TCP11L1: variants seen among roughly 807,000 people sequenced by gnomAD.
The protein encoded by TCP11L1 is t-complex 11 like 1, also known as T-complex protein 11-like protein 1.
In TCP11L1, 28 loss-of-function variants were observed where a neutral mutation model predicts 48.9. That is an observed-to-expected ratio of 0.57 (90% confidence interval 0.42 to 0.78). The LOEUF is 0.78. Among genes scored for constraint, TCP11L1 ranks in the 30% least tolerant of loss-of-function variants. TCP11L1 has a pLI of 0.00. For synonymous variants in TCP11L1, 204 were observed against 231.9 expected, an observed-to-expected ratio of 0.88 and a Z score of 1.09; for missense variants, 505 against 613.4, an observed-to-expected ratio of 0.82 and a Z score of 1.87.
Position 33,072,769 on chromosome 11 carries a change from C to T in TCP11L1, c.*93C>T, listed in dbSNP as rs1229592354. The T allele has an allele frequency of 4.3e-6, 6 of 1,390,012 alleles. No individual in the cohort carries two copies. In the African/African-American group the frequency reaches 7.1e-5, roughly 16 times the overall value. 86.1% of individuals were successfully genotyped at this position (1,390,012 alleles called of 1,614,324 possible). Reference sequence around the variant, plus strand: ...TGCATTGGAAAATGGCTATATAGTACATGTCTATTTAACAGCACCGATTCC... The same window carrying T: ...TGCATTGGAAAATGGCTATATAGTATATGTCTATTTAACAGCACCGATTCC... On this transcript the variant is annotated 3_prime_UTR_variant, in exon 10 of 10. Coordinates refer to ENST00000334274, the MANE Select transcript of TCP11L1 (RefSeq NM_018393.4).
At position 33,072,891 on chromosome 11, in the gene TCP11L1, A is replaced by G; in HGVS notation, c.*215A>G. On this transcript the variant is annotated 3_prime_UTR_variant, in exon 10 of 10. Coordinates refer to ENST00000334274, the MANE Select transcript of TCP11L1 (RefSeq NM_018393.4). ...TTGTATTTATGAGTGCAAGTTTACA[A>G]ATCAAAGAAGCATTTTGTTCTCGAG... 4 of 595,268 alleles carry G rather than the reference A, an allele frequency of 6.7e-6. No homozygotes were observed. Among genetic ancestry groups the G allele is most frequent in the Non-Finnish European group, 2.9e-6 (1 of 343,236 alleles). The allele number at this position is 595,268 out of a possible 1,614,324, so 36.9% of individuals were successfully genotyped here. A position where few individuals can be genotyped will look rare whatever the true frequency, so the allele number is the denominator to read the frequency against.
chr11:33,062,482 T>G (rs1307485527), intron 7 of TCP11L1, among the ~76,000 whole-genome samples: 1 of 152,244 alleles, frequency 6.6e-6, no homozygotes, highest in Non-Finnish European at 1.5e-5. Context: ...TCCACTGTGT[T>G]TTTTTTGTTG....
intron 9 of TCP11L1, 147 bp from the exon 10 acceptor site, chr11:33,072,326 AG>A: frequency 1.3e-6 from 1 of 758,104 alleles, no homozygotes; most frequent in South Asian, 1.7e-5. Flanking sequence ...AATATGCAGA[AG>A]TGCAAGGTGC....
At chr11:33,046,131 G>A (rs10836017) in intron 2 of TCP11L1, among the ~76,000 whole-genome samples, 20,905 of 152,234 alleles carry the variant, frequency 0.14, 1,730 homozygotes, top group East Asian at 0.3. Context: ...CTGCAGGGCA[G>A]CCTTCTGCCC....
At chr11:33,042,997 T>C (rs1590217426) in intron 1 of TCP11L1, among the ~76,000 whole-genome samples, 1 of 152,068 alleles carries the variant, frequency 6.6e-6, no homozygotes, top group Non-Finnish European at 1.5e-5. Flanking sequence ...AACCGGAAGG[T>C]GGAAGTTGCA....
Position 33,072,763 on chromosome 11 carries a change from A to G in TCP11L1, c.*87A>G. ...TAATGTTGCATTGGAAAATGGCTAT[A>G]TAGTACATGTCTATTTAACAGCACC... On this transcript the variant is annotated 3_prime_UTR_variant, in exon 10 of 10. Transcript: ENST00000334274. 1 of 1,434,832 alleles carries G rather than the reference A, an allele frequency of 7.0e-7. No homozygotes were observed. The highest frequency in any genetic ancestry group is 9.7e-7 in the Non-Finnish European group (1 of 1,025,746). The allele number at this position is 1,434,832 out of a possible 1,614,324, so 88.9% of individuals were successfully genotyped here. A position where few individuals can be genotyped will look rare whatever the true frequency, so the allele number is the denominator to read the frequency against.
rs754572526 is a variant in TCP11L1, at chr11:33,072,549, G to T, written c.1403G>T (p.Gly468Val). 1 of 1,614,142 alleles carries T rather than the reference G, an allele frequency of 6.2e-7. No homozygotes were observed. Among genetic ancestry groups the T allele is most frequent in the Admixed American group, 1.7e-5 (1 of 60,010 alleles). The change falls in exon 10 of 10, where the codon GGA becomes GTA. Residue 468 changes from glycine to valine, a missense_variant. This residue lies in a region of TCP11L1 where 335 missense variants were observed against 413.3 expected (regional missense o/e 0.81). Transcript: ENST00000334274. ...HQKPLPTVPG[G>V]LSPVQRELEE... ...AAGCCATTGCCCACAGTCCCTGGGG[G>T]ACTCAGTCCAGTTCAGAGAGAGCTG...
At chr11:33,063,701 C>A (rs1189163645) in intron 7 of TCP11L1, among the ~76,000 whole-genome samples, 1 of 152,198 alleles carries the variant, frequency 6.6e-6, no homozygotes, top group Non-Finnish European at 1.5e-5. Flanking sequence ...CTCCCCCTCT[C>A]TTTTTGGGGG....
chr11:33,064,130 C>T (rs1854542559), intron 7 of TCP11L1, among the ~76,000 whole-genome samples: 1 of 152,020 alleles, frequency 6.6e-6, no homozygotes, highest in South Asian at 2.1e-4. Flanking sequence ...TATGAATAAA[C>T]CCTCTCGTAA....
intron 5 of TCP11L1, 73 bp from the exon 6 acceptor site, chr11:33,058,886 C>T (rs1431651908): frequency 1.6e-5 from 24 of 1,545,164 alleles, no homozygotes; most frequent in East Asian, 9.1e-5. Context: ...GTGAGCCACG[C>T]GTCTGGTCCT....
rs1854606059 is a variant in TCP11L1, at chr11:33,065,984, A to C, written c.1127A>C (p.Lys376Thr). 1 of 1,613,992 alleles carries C rather than the reference A, an allele frequency of 6.2e-7. No homozygotes were observed. Among genetic ancestry groups the C allele is most frequent in the Admixed American group, 1.7e-5 (1 of 60,006 alleles). Reference protein sequence around the residue: ...DFAEKLKMIVKILLTDMHLPS... With the variant: ...DFAEKLKMIVTILLTDMHLPS... The stretch of plus-strand genomic sequence containing the variant: ...GCTGAGAAACTCAAGATGATTGTGA[A>C]GATTTTGCTAACAGATATGCACCTG... The change falls in exon 8 of 10, where the codon AAG (lysine) becomes ACG (threonine). Residue 376 changes from lysine (K) to threonine (T), a missense_variant. This residue lies in a region of TCP11L1 where 335 missense variants were observed against 413.3 expected (regional missense o/e 0.81). Coordinates refer to ENST00000334274, the MANE Select transcript of TCP11L1 (RefSeq NM_018393.4).
chr11:33,064,226 G>A (rs913881330), intron 7 of TCP11L1, among the ~76,000 whole-genome samples: 13 of 152,328 alleles, frequency 8.5e-5, no homozygotes, highest in African/African-American at 3.1e-4. Flanking sequence ...TCCAGGAATT[G>A]ATCCTTGGCA....
chr11:33,048,976 G>A (rs1451251010), intron 2 of TCP11L1, among the ~76,000 whole-genome samples: 1 of 152,182 alleles, frequency 6.6e-6, no homozygotes, highest in Non-Finnish European at 1.5e-5. Context: ...ATCCGGCCAG[G>A]CGCGGTGGCT....
chr11:33,043,720 G>A, intron 1 of TCP11L1, 30 bp from the exon 2 acceptor site: 1 of 1,555,836 alleles, frequency 6.4e-7, no homozygotes. Flanking sequence ...AATACTTTTA[G>A]TTCTTTTTTT....
intron 9 of TCP11L1, among the ~76,000 whole-genome samples, chr11:33,070,848 A>G (rs1043128978): frequency 6.6e-5 from 10 of 151,606 alleles, no homozygotes; most frequent in African/African-American, 2.4e-4. Context: ...CAAAAAATAC[A>G]AAAATTTCCT....
rs998738432 is a variant in TCP11L1 at position 33,043,750 on chromosome 11, G to A, written c.-24G>A. 9 of 1,577,080 alleles carry A rather than the reference G, an allele frequency of 5.7e-6. No homozygotes were observed. Among genetic ancestry groups the A allele is most frequent in the Non-Finnish European group, 6.0e-6 (7 of 1,166,282 alleles). On this transcript the variant is annotated splice_region_variant and 5_prime_UTR_variant, in exon 2 of 10. Coordinates refer to ENST00000334274, the MANE Select transcript of TCP11L1 (RefSeq NM_018393.4). ...TTTTTTTTGTTTTTTTCTTTCCTAG[G>A]AAAGTGAATAAACTTAATTGAGAAT...
At chr11:33,041,494 T>C (rs1157574646) in intron 1 of TCP11L1, among the ~76,000 whole-genome samples, 1 of 152,208 alleles carries the variant, frequency 6.6e-6, no homozygotes, top group Non-Finnish European at 1.5e-5. Context: ...CTCACGCCTA[T>C]AATCCCAGCA....
At chr11:33,060,033 G>A (rs560577350) in intron 6 of TCP11L1, among the ~76,000 whole-genome samples, 2 of 152,136 alleles carry the variant, frequency 1.3e-5, no homozygotes, top group South Asian at 4.2e-4. Flanking sequence ...GGAGATTTTT[G>A]ACCAGAATGG....
At chr11:33,042,535 C>T (rs552525856) in intron 1 of TCP11L1, among the ~76,000 whole-genome samples, 100 of 152,294 alleles carry the variant, frequency 6.6e-4, no homozygotes, top group African/African-American at 2.4e-3. Flanking sequence ...CAACTGCATA[C>T]ATTATGGTTG....
Sources: allele counts gnomAD v4.1 joint callset (sites outside exome capture counted in the v4.1 genomes callset), GRCh38; gene constraint gnomAD v4.1.1; regional missense constraint gnomAD v4.1.1; transcripts MANE v1.5; gene names NCBI Gene and HGNC (gene_info 2026-07-23, HGNC 2026-07-21).